LRRC7: variants seen among roughly 807,000 people sequenced by gnomAD.
LRRC7 encodes leucine rich repeat containing 7, also known as leucine-rich repeat-containing protein 7.
A neutral mutation model predicts 175.7 loss-of-function variants in LRRC7; 23 were observed. The observed-to-expected ratio is 0.13, with a 90% confidence interval of 0.09 to 0.19. LRRC7 has a LOEUF of 0.19. Among genes scored for constraint, LRRC7 ranks in the 10% least tolerant of loss-of-function variants. The pLI, the probability that LRRC7 is intolerant of heterozygous loss-of-function variation, is 1.00. For synonymous variants in LRRC7, 685 were observed against 680.9 expected (o/e 1.01, Z -0.09); for missense variants, 1,354 against 1,904.7 (o/e 0.71, Z 5.38).
intron 1 of LRRC7, among the ~76,000 whole-genome samples, chr1:69,656,324 T>G (rs2100509761): frequency 6.6e-6 from 1 of 152,126 alleles, no homozygotes; most frequent in East Asian, 1.9e-4. Flanking sequence ...CAGTTTGACA[T>G]ACTGGCTTCT....
chr1:69,761,538 G>T (rs4650307), intron 3 of LRRC7, among the ~76,000 whole-genome samples: 79,425 of 151,676 alleles, frequency 0.52, 22,095 homozygotes, highest in East Asian at 0.77. Context: ...CTTCATTTTT[G>T]ACAATCTGTG....
chr1:69,694,008 ATTGT>A (rs1205835180), intron 2 of LRRC7, among the ~76,000 whole-genome samples: 2 of 152,144 alleles, frequency 1.3e-5, no homozygotes, highest in East Asian at 3.9e-4. Flanking sequence ...AAAGGCCTAC[ATTGT>A]TCAAGCAAAT....
In LRRC7 at chr1:69,980,244, G is replaced by A. The variant is rs780652273; in HGVS notation, c.712-135G>A. 10 of 752,020 alleles carry A rather than the reference G, an allele frequency of 1.3e-5. No individual in the cohort carries two copies. In the East Asian group the frequency reaches 2.3e-4, roughly 18 times the overall value. The allele number at this position is 752,020 out of a possible 1,614,324, so 46.6% of individuals were successfully genotyped here. ...GTTTTCCTAGAGGTCTGTTAAAGGT[G>A]GAATTTCTTAGATGCTTAACACTAG... is the stretch of plus-strand genomic sequence containing the variant. On this transcript the variant is annotated intron_variant, in intron 8 of 26. Transcript: ENST00000651989.
chr1:69,632,358 G>A (rs1652649018), intron 1 of LRRC7, among the ~76,000 whole-genome samples: 1 of 152,092 alleles, frequency 6.6e-6, no homozygotes, highest in Non-Finnish European at 1.5e-5. Context: ...GTGATATATG[G>A]CTTATAAATA....
chr1:69,687,520 C>CAAAAAAAAAAAAAAAAAAAAAAAAAAAA (rs551726376), intron 2 of LRRC7, among the ~76,000 whole-genome samples: 84 of 96,690 alleles, frequency 8.7e-4, no homozygotes, highest in South Asian at 1.5e-3. Context: ...AAGAAAAAAC[C>CAAAAAAAAAAAAAAAAAAAAAAAAAAAA]AAAAAAAAAA....
intron 7 of LRRC7, among the ~76,000 whole-genome samples, chr1:69,882,308 A>G (rs534467551): frequency 6.6e-6 from 1 of 152,242 alleles, no homozygotes; most frequent in South Asian, 2.1e-4. Flanking sequence ...CGGTACGAAG[A>G]TTCCTTAAAA....
At chr1:70,053,272 C>A in intron 23 of LRRC7, 127 bp downstream of exon 23, 1 of 846,422 alleles carries the variant, frequency 1.2e-6, no homozygotes, top group Non-Finnish European at 1.7e-6. Context: ...TATTATGCTA[C>A]TACACGAGTT....
intron 7 of LRRC7, among the ~76,000 whole-genome samples, chr1:69,878,576 A>T (rs1422056778): frequency 6.6e-6 from 1 of 152,026 alleles, no homozygotes; most frequent in Non-Finnish European, 1.5e-5. Flanking sequence ...CTTCTGGCAG[A>T]TTTTCTGAGT....
In LRRC7 at chr1:69,937,810, G is replaced by A. The variant is rs138975466; in HGVS notation, c.711+6240G>A. ...TTTATATTTTCTTCTTGAAAAAGCA[G>A]TCAATCAGAGAAGAAGAATTTTAAA... On this transcript the variant is annotated intron_variant, in intron 8 of 26. Coordinates refer to ENST00000651989, the MANE Select transcript of LRRC7 (RefSeq NM_001370785.2). Among the ~76,000 whole-genome samples, 739 of 151,014 alleles carry A rather than the reference G, an allele frequency of 4.9e-3. 10 individuals carry two copies. The highest frequency in any genetic ancestry group is 0.017 in the African/African-American group (683 of 40,642).
At chr1:69,837,077 G>T (rs2101347914) in intron 6 of LRRC7, among the ~76,000 whole-genome samples, 1 of 151,968 alleles carries the variant, frequency 6.6e-6, no homozygotes, top group Middle Eastern at 3.4e-3. Context: ...ACAATAGTGT[G>T]TCCTAGACTG....
At chr1:69,925,587 T>C (rs962349832) in intron 7 of LRRC7, among the ~76,000 whole-genome samples, 31 of 152,258 alleles carry the variant, frequency 2.0e-4, no homozygotes, top group African/African-American at 7.2e-4. Context: ...TTTATTTGCA[T>C]AGAGGTGTTT....
chr1:69,888,749 A>G (rs1275425435), intron 7 of LRRC7, among the ~76,000 whole-genome samples: 1 of 152,188 alleles, frequency 6.6e-6, no homozygotes, highest in East Asian at 1.9e-4. Flanking sequence ...AGCCGAGAGT[A>G]GAACAGTGGT....
At chr1:69,744,078 A>G (rs978227375) in intron 2 of LRRC7, among the ~76,000 whole-genome samples, 1 of 151,566 alleles carries the variant, frequency 6.6e-6, no homozygotes, top group South Asian at 2.1e-4. Context: ...GCAGAAAAAA[A>G]ATATTTATTA....
intron 7 of LRRC7, among the ~76,000 whole-genome samples, chr1:69,922,158 T>C (rs1646910088): frequency 1.3e-5 from 2 of 152,264 alleles, no homozygotes; most frequent in South Asian, 4.1e-4. Context: ...ACTCCTGACC[T>C]CAGGTGATCC....
chr1:70,028,909 G>A (rs1658410221), intron 18 of LRRC7, among the ~76,000 whole-genome samples: 2 of 152,172 alleles, frequency 1.3e-5, no homozygotes, highest in Non-Finnish European at 1.5e-5. Flanking sequence ...GAATGAGTTA[G>A]AAATCCATCC....
At chr1:70,062,471 T>C (rs530925340) in intron 23 of LRRC7, among the ~76,000 whole-genome samples, 2 of 152,240 alleles carry the variant, frequency 1.3e-5, no homozygotes, top group South Asian at 2.1e-4. Context: ...CCTTTTGCTA[T>C]ACTTGGGAAA....
rs1326406350 is a variant in LRRC7 at position 70,135,747 on chromosome 1, A to T, written c.*13860A>T. Reference sequence around the variant, plus strand: ...GTGATTTTTTCTCTAGGATATCATCATCCAAACTATTCTTGCCCTGTAATA... The same window carrying T: ...GTGATTTTTTCTCTAGGATATCATCTTCCAAACTATTCTTGCCCTGTAATA... On this transcript the variant is annotated 3_prime_UTR_variant, in exon 27 of 27. Transcript: ENST00000651989. Among the ~76,000 whole-genome samples the T allele has an allele frequency of 6.6e-6, 1 of 152,230 alleles. No homozygotes were observed. The highest frequency in any genetic ancestry group is 1.5e-5 in the Non-Finnish European group (1 of 68,036).
At chr1:69,978,721 T>A (rs1372622203) in intron 8 of LRRC7, among the ~76,000 whole-genome samples, 1 of 152,194 alleles carries the variant, frequency 6.6e-6, no homozygotes, top group Non-Finnish European at 1.5e-5. Flanking sequence ...CTGGAAGTCT[T>A]AAGCCCTCCT....
chr1:69,902,902 TGA>T (rs1646178349), intron 7 of LRRC7, among the ~76,000 whole-genome samples: 1 of 152,318 alleles, frequency 6.6e-6, no homozygotes, highest in South Asian at 2.1e-4. Flanking sequence ...TACAGTTCTT[TGA>T]TTGAAGTGAG....
Sources: allele counts gnomAD v4.1 joint callset (sites outside exome capture counted in the v4.1 genomes callset), GRCh38; gene constraint gnomAD v4.1.1; transcripts MANE v1.5; gene names NCBI Gene and HGNC (gene_info 2026-07-23, HGNC 2026-07-21).